RALA: variants seen among roughly 807,000 people sequenced by gnomAD.
RALA encodes the protein RAS like proto-oncogene A.
Under a neutral mutation model 24.0 loss-of-function variants are expected in RALA, and 5 were observed. That is an observed-to-expected ratio of 0.21 (90% CI 0.11 to 0.44). The LOEUF is 0.44. Among genes scored for constraint, RALA ranks in the 20% least tolerant of loss-of-function variants. RALA has a pLI of 0.99. For missense variants in RALA, 95 were observed against 241.2 expected, an observed-to-expected ratio of 0.39 and a Z score of 4.01; for synonymous variants, 77 against 83.8, an observed-to-expected ratio of 0.92 and a Z score of 0.44.
intron 1 of RALA, among the ~76,000 whole-genome samples, chr7:39,663,859 A>G (rs1041946910): frequency 1.6e-4 from 24 of 152,204 alleles, no homozygotes; most frequent in Admixed American, 1.5e-3. Flanking sequence ...CAGTGTCATT[A>G]TATGACAACT....
At chr7:39,624,985 C>G (rs997457714) in intron 1 of RALA, among the ~76,000 whole-genome samples, 1 of 152,238 alleles carries the variant, frequency 6.6e-6, no homozygotes, top group East Asian at 1.9e-4. Flanking sequence ...AAATAATACA[C>G]TATTATTGTG....
At chr7:39,648,406 A>G (rs1039408709) in intron 1 of RALA, among the ~76,000 whole-genome samples, 2 of 151,240 alleles carry the variant, frequency 1.3e-5, no homozygotes, top group Non-Finnish European at 2.9e-5. Context: ...TTTTCCATCA[A>G]CTTAATAGCT....
intron 1 of RALA, among the ~76,000 whole-genome samples, chr7:39,627,077 C>CT (rs548792732): frequency 0.079 from 11,548 of 145,850 alleles, 918 homozygotes; most frequent in African/African-American, 0.21. Context: ...CTCTCTCTCT[C>CT]TTTTTTTTTT....
chr7:39,703,159 C>T (rs553777601), intron 4 of RALA: 3 of 152,232 alleles, frequency 2.0e-5, no homozygotes, highest in Admixed American at 1.3e-4. Flanking sequence ...AGAAATTAAA[C>T]CTTCATCTAG....
In RALA at chr7:39,706,904, G is replaced by A. The variant is rs1437268388; in HGVS notation, c.*659G>A. ...TCTGGGTGTGTTCTTACTGACACCA[G>A]GGGTCCGCTGCCCCATGTGTCCTGG... On this transcript the variant is annotated 3_prime_UTR_variant, in exon 5 of 5. Coordinates refer to ENST00000005257, the MANE Select transcript of RALA (RefSeq NM_005402.4). 1 of 152,618 alleles carries A rather than the reference G, an allele frequency of 6.6e-6. No individual in the cohort carries two copies. 9.5% of individuals were successfully genotyped at this position (152,618 alleles called of 1,614,324 possible).
chr7:39,706,133 A>T lies in RALA; in HGVS notation c.509A>T (p.Asp170Val). Residue 170 changes from aspartate to valine, a missense_variant, in exon 5 of 5, where the codon GAT (aspartate) becomes GTT (valine). By Grantham distance (152) the Asp-to-Val change is radical (BLOSUM62 -3). Coordinates refer to ENST00000005257, the MANE Select transcript of RALA (RefSeq NM_005402.4). ...TRANVDKVFFDLMREIRARKM... is the reference protein window; with the variant it reads ...TRANVDKVFFVLMREIRARKM... The stretch of plus-strand genomic sequence containing the variant: ...TTTTTTTCTTTCTAGGTATTTTTTG[A>T]TTTAATGAGAGAAATTCGAGCGAGA... 6.2e-7 allele frequency: 1 copy of T among 1,600,950 alleles called. No individual in the cohort carries two copies. Among genetic ancestry groups the T allele is most frequent in the Non-Finnish European group, 8.5e-7 (1 of 1,174,748 alleles).
chr7:39,641,274 C>A (rs1253299881), intron 1 of RALA, among the ~76,000 whole-genome samples: 1 of 152,144 alleles, frequency 6.6e-6, no homozygotes, highest in African/African-American at 2.4e-5. Flanking sequence ...TTTTTGAAAA[C>A]TCATATTTAT....
At chr7:39,657,678 T>G (rs1792120073) in intron 1 of RALA, among the ~76,000 whole-genome samples, 1 of 152,042 alleles carries the variant, frequency 6.6e-6, no homozygotes, top group Admixed American at 6.6e-5. Context: ...TCCCAGCACT[T>G]TGAAAGGCTG....
chr7:39,649,384 A>G (rs774301003), intron 1 of RALA, among the ~76,000 whole-genome samples: 7 of 152,202 alleles, frequency 4.6e-5, no homozygotes, highest in Non-Finnish European at 1.0e-4. Context: ...ATTCATGTTG[A>G]AACTTAATCC....
intron 4 of RALA, among the ~76,000 whole-genome samples, chr7:39,702,007 A>G (rs1205692928): frequency 6.6e-6 from 1 of 152,244 alleles, no homozygotes; most frequent in Non-Finnish European, 1.5e-5. Context: ...GAAGTTGAGC[A>G]AATATTAACA....
At chr7:39,699,121 A>ATTAT (rs1792971734) in intron 4 of RALA, among the ~76,000 whole-genome samples, 1 of 61,372 alleles carries the variant, frequency 1.6e-5, no homozygotes, top group African/African-American at 5.4e-5. Flanking sequence ...TAAAAATGTT[A>ATTAT]TTTTTTTTTT....
intron 1 of RALA, among the ~76,000 whole-genome samples, chr7:39,624,763 T>TG (rs956973196): frequency 2.5e-4 from 38 of 151,908 alleles, no homozygotes; most frequent in East Asian, 1.5e-3. Flanking sequence ...TTGTGTGGTG[T>TG]GGGGGGGGAA....
intron 4 of RALA, among the ~76,000 whole-genome samples, chr7:39,699,138 T>TA (rs890919954): frequency 4.8e-5 from 6 of 125,470 alleles, no homozygotes; most frequent in South Asian, 5.9e-4. Flanking sequence ...TTTTTTTTTT[T>TA]TTTTTTTTTT....
chr7:39,659,763 A>C (rs542763846), intron 1 of RALA, among the ~76,000 whole-genome samples: 1 of 152,298 alleles, frequency 6.6e-6, no homozygotes, highest in South Asian at 2.1e-4. Flanking sequence ...AGGAGTACTA[A>C]AGCCCAGAAA....
chr7:39,642,396 T>C (rs1475178923), intron 1 of RALA, among the ~76,000 whole-genome samples: 1 of 152,208 alleles, frequency 6.6e-6, no homozygotes, highest in African/African-American at 2.4e-5. Context: ...TCTGGGCTGA[T>C]GAGTCTAGAG....
intron 1 of RALA, among the ~76,000 whole-genome samples, chr7:39,655,381 C>G (rs2115979646): frequency 6.6e-6 from 1 of 152,224 alleles, no homozygotes; most frequent in Admixed American, 6.5e-5. Context: ...ACTAACTAAT[C>G]TATATTTACA....
chr7:39,690,348 A>T, intron 2 of RALA, 34 bp from the exon 3 acceptor site: 1 of 1,541,794 alleles, frequency 6.5e-7, no homozygotes, highest in Non-Finnish European at 8.9e-7. Flanking sequence ...GAAACGTAAT[A>T]ATTAAAAAAT....
chr7:39,665,219 T>A (rs531491624), intron 1 of RALA, among the ~76,000 whole-genome samples: 1 of 152,252 alleles, frequency 6.6e-6, no homozygotes, highest in Admixed American at 6.5e-5. Context: ...TTCCTCCTCC[T>A]CTTCAGCCTA....
At chr7:39,641,099 A>G (rs1791807899) in intron 1 of RALA, among the ~76,000 whole-genome samples, 1 of 152,066 alleles carries the variant, frequency 6.6e-6, no homozygotes, top group South Asian at 2.1e-4. Context: ...GAAGTAGCAC[A>G]TCCTAATTTA....
Sources: allele counts gnomAD v4.1 joint callset (sites outside exome capture counted in the v4.1 genomes callset), GRCh38; gene constraint gnomAD v4.1.1; transcripts MANE v1.5; gene names NCBI Gene and HGNC (gene_info 2026-07-23, HGNC 2026-07-21).